The following ARHGAP24 variants were observed in gnomAD, a reference collection of about 807,000 sequenced individuals.
ARHGAP24 encodes the protein Rho GTPase activating protein 24.
A neutral mutation model predicts 76.4 loss-of-function variants in ARHGAP24; 50 were observed. The observed-to-expected ratio is 0.65, with a 90% CI of 0.52 to 0.83. ARHGAP24 has a LOEUF of 0.83. Among genes scored for constraint, ARHGAP24 ranks in the 40% least tolerant of loss-of-function variants. ARHGAP24 has a pLI of 0.00. For synonymous variants in ARHGAP24, 345 were observed against 323.3 expected (o/e 1.07, Z -0.72); for missense variants, 930 against 914.2 (o/e 1.02, Z -0.22).
chr4:85,521,617 TC>T (rs1724758589), intron 1 of ARHGAP24, among the ~76,000 whole-genome samples: 1 of 152,122 alleles, frequency 6.6e-6, no homozygotes, highest in Non-Finnish European at 1.5e-5. Context: ...CTGTGACATT[TC>T]CCACCTTTGA....
intron 5 of ARHGAP24, among the ~76,000 whole-genome samples, chr4:85,970,253 G>A (rs2148849780): frequency 6.6e-6 from 1 of 152,222 alleles, no homozygotes; most frequent in South Asian, 2.1e-4. Flanking sequence ...TTTCTCCCTT[G>A]CTTTGATCAG....
At chr4:85,626,244 G>T (rs1023729769) in intron 2 of ARHGAP24, among the ~76,000 whole-genome samples, 9 of 152,068 alleles carry the variant, frequency 5.9e-5, no homozygotes, top group Non-Finnish European at 5.9e-5. Context: ...CTTCCTTCAG[G>T]AGCTCTTTTA....
intron 2 of ARHGAP24, among the ~76,000 whole-genome samples, chr4:85,662,892 C>A (rs983317910): frequency 1.3e-5 from 2 of 152,070 alleles, no homozygotes; most frequent in African/African-American, 4.8e-5. Flanking sequence ...TGTTTAGGTA[C>A]CAGTACCATG....
chr4:85,958,179 C>T (rs765007849), intron 5 of ARHGAP24, among the ~76,000 whole-genome samples: 29 of 152,142 alleles, frequency 1.9e-4, no homozygotes, highest in African/African-American at 6.8e-4. Flanking sequence ...AACCGAAACT[C>T]GTTACCTAAC....
intron 3 of ARHGAP24, among the ~76,000 whole-genome samples, chr4:85,764,512 G>A (rs905207852): frequency 2.6e-5 from 4 of 152,134 alleles, no homozygotes; most frequent in Admixed American, 2.6e-4. Flanking sequence ...GTTTGATGCA[G>A]CTCTTTTAAC....
chr4:85,711,502 A>G (rs890718328), intron 2 of ARHGAP24, among the ~76,000 whole-genome samples: 9 of 152,216 alleles, frequency 5.9e-5, no homozygotes, highest in Non-Finnish European at 1.0e-4. Context: ...TTTAAAAATG[A>G]AAACTATTAA....
At chr4:85,741,674 C>A (rs1025132845) in intron 3 of ARHGAP24, among the ~76,000 whole-genome samples, 8 of 152,100 alleles carry the variant, frequency 5.3e-5, no homozygotes, top group Non-Finnish European at 7.4e-5. Flanking sequence ...GGGCGGGCAA[C>A]AATGTTGAAA....
intron 3 of ARHGAP24, among the ~76,000 whole-genome samples, chr4:85,906,907 G>A (rs1316592934): frequency 6.6e-6 from 1 of 152,098 alleles, no homozygotes; most frequent in Non-Finnish European, 1.5e-5. Context: ...TTTGTAAATT[G>A]GGGAGACATT....
At chr4:85,490,176 CT>C (rs1723298281) in intron 1 of ARHGAP24, among the ~76,000 whole-genome samples, 1 of 151,968 alleles carries the variant, frequency 6.6e-6, no homozygotes, top group East Asian at 1.9e-4. Context: ...GATAAAATTA[CT>C]GGTGATATTT....
In ARHGAP24 at chr4:85,995,006, C is replaced by A. The variant is rs1740566497; in HGVS notation, c.1352C>A (p.Thr451Asn). 1 of 1,614,058 alleles carries A rather than the reference C, an allele frequency of 6.2e-7. No homozygotes were observed. The highest frequency in any genetic ancestry group is 8.5e-7 in the Non-Finnish European group (1 of 1,180,040). ...GCAGAAGGTCTTGAGAAAACCCAAA[C>A]CACCCCCAATGGGAGCCTACAGGCC... ...SNAEGLEKTQ[T>N]TPNGSLQARR... is the part of the protein sequence containing the mutation. Residue 451 changes from threonine (T) to asparagine (N), a missense_variant, in exon 9 of 10, where the codon ACC (threonine) becomes AAC (asparagine). Thr to Asn is a moderately conservative substitution (Grantham distance 65). Transcript: ENST00000395184.
chr4:85,971,035 T>C (rs1738939770), intron 5 of ARHGAP24, among the ~76,000 whole-genome samples: 1 of 152,218 alleles, frequency 6.6e-6, no homozygotes, highest in African/African-American at 2.4e-5. Flanking sequence ...ATTCAAGTTA[T>C]GTAAAGGACG....
At chr4:85,798,339 T>C (rs542843185) in intron 3 of ARHGAP24, among the ~76,000 whole-genome samples, 2 of 152,286 alleles carry the variant, frequency 1.3e-5, no homozygotes, top group Admixed American at 1.3e-4. Flanking sequence ...AATGGCAGAA[T>C]TATAGTGATG....
At chr4:85,535,183 A>G (rs915843940) in intron 1 of ARHGAP24, among the ~76,000 whole-genome samples, 3 of 152,198 alleles carry the variant, frequency 2.0e-5, no homozygotes, top group South Asian at 2.1e-4. Flanking sequence ...TTATAGTTTT[A>G]ATAGATAGTA....
At chr4:85,974,381 T>C (rs1739205675) in intron 6 of ARHGAP24, among the ~76,000 whole-genome samples, 1 of 152,206 alleles carries the variant, frequency 6.6e-6, no homozygotes, top group East Asian at 1.9e-4. Flanking sequence ...GGGGAAGTCA[T>C]ATAATGAAAA....
At chr4:85,792,326 A>G (rs1410278728) in intron 3 of ARHGAP24, among the ~76,000 whole-genome samples, 2 of 152,212 alleles carry the variant, frequency 1.3e-5, no homozygotes, top group African/African-American at 4.8e-5. Context: ...TCCTAAAATC[A>G]AGGCCAAGGA....
At chr4:85,813,428 T>C (rs938367246) in intron 3 of ARHGAP24, among the ~76,000 whole-genome samples, 2 of 152,120 alleles carry the variant, frequency 1.3e-5, no homozygotes, top group Admixed American at 6.5e-5. Context: ...GAGAATCTCA[T>C]TGTGTTTTTT....
chr4:85,691,688 G>T (rs1397816561), intron 2 of ARHGAP24, among the ~76,000 whole-genome samples: 1 of 152,110 alleles, frequency 6.6e-6, no homozygotes, highest in African/African-American at 2.4e-5. Flanking sequence ...CCATATGTAT[G>T]ATACATCTTT....
chr4:85,954,653 C>T (rs1051655721), intron 5 of ARHGAP24, among the ~76,000 whole-genome samples: 2 of 152,076 alleles, frequency 1.3e-5, no homozygotes, highest in Admixed American at 6.5e-5. Context: ...TTAAAATGCT[C>T]GGCAGCACAT....
intron 5 of ARHGAP24, among the ~76,000 whole-genome samples, chr4:85,946,614 G>C (rs2164539): frequency 6.6e-6 from 1 of 152,146 alleles, no homozygotes; most frequent in Non-Finnish European, 1.5e-5. Flanking sequence ...AGTTCACTTA[G>C]GATAATGGTT....
Sources: allele counts gnomAD v4.1 joint callset (sites outside exome capture counted in the v4.1 genomes callset), GRCh38; gene constraint gnomAD v4.1.1; transcripts MANE v1.5; gene names NCBI Gene and HGNC (gene_info 2026-07-23, HGNC 2026-07-21).